Variants in PI4KA observed in about 807,000 individuals in gnomAD.
The protein encoded by PI4KA is PI4-kinase alpha.
A neutral mutation model predicts 271.4 loss-of-function variants in PI4KA; 122 were observed. The observed-to-expected ratio is 0.45, with a 90% CI of 0.39 to 0.52. PI4KA has a LOEUF of 0.52. Ranked by LOEUF, PI4KA falls within the 20% of genes least tolerant of loss-of-function variation. The pLI is 0.00. For synonymous variants in PI4KA, 1,041 were observed against 1,078.8 expected, an observed-to-expected ratio of 0.96 and a Z score of 0.69; for missense variants, 1,969 against 2,769.1, an observed-to-expected ratio of 0.71 and a Z score of 6.48.
At position 20,733,851 on chromosome 22, in the gene PI4KA, G is replaced by A. The variant is rs1928366894; in HGVS notation, c.4053-8C>T. ...AGCCCCAGGGTCAGCAGCCTGTGAG[G>A]GAGCCCCGGACCCAGTTAGAGCAGG... is the stretch of plus-strand genomic sequence containing the variant. On this transcript the variant is annotated splice_polypyrimidine_tract_variant and splice_region_variant and intron_variant, in intron 34 of 54. Coordinates refer to ENST00000255882, the MANE Select transcript of PI4KA (RefSeq NM_058004.4). 1.2e-6 allele frequency: 2 copies of A among 1,612,100 alleles called. No individual in the cohort carries two copies. The highest frequency in any genetic ancestry group is 1.7e-6 in the Non-Finnish European group (2 of 1,179,862).
chr22:20,826,986 AGGGTGGCTGTTT>A (rs1312229887), intron 3 of PI4KA, among the ~76,000 whole-genome samples: 207 of 152,286 alleles, frequency 1.4e-3, no homozygotes, highest in African/African-American at 4.7e-3. Context: ...TTCATTCAGT[AGGGTGGCTGTTT>A]ACTCTCTTGA....
intron 1 of PI4KA, among the ~76,000 whole-genome samples, chr22:20,838,970 C>T (rs150271514): frequency 1.1e-4 from 16 of 152,132 alleles, no homozygotes; most frequent in Admixed American, 9.2e-4. Context: ...TAATCCCAAC[C>T]CTTTGGGAGG....
chr22:20,850,498 C>A (rs1328234484), intron 1 of PI4KA, among the ~76,000 whole-genome samples: 2 of 151,906 alleles, frequency 1.3e-5, no homozygotes, highest in African/African-American at 4.8e-5. Flanking sequence ...GGCTGGAGTG[C>A]AGTGGCGTGA....
intron 36 of PI4KA, among the ~76,000 whole-genome samples, chr22:20,730,997 C>A (rs1430681036): frequency 6.6e-6 from 1 of 151,902 alleles, no homozygotes; most frequent in Non-Finnish European, 1.5e-5. Context: ...GACAACAAGG[C>A]AAGACGCCCT....
intron 19 of PI4KA, among the ~76,000 whole-genome samples, chr22:20,773,106 C>T (rs777205447): frequency 1.3e-5 from 2 of 151,550 alleles, no homozygotes; most frequent in Non-Finnish European, 2.9e-5. Flanking sequence ...ACACATAGGG[C>T]CAGGCGTGGT....
At chr22:20,781,499 A>G (rs1933796630) in intron 19 of PI4KA, among the ~76,000 whole-genome samples, 1 of 152,222 alleles carries the variant, frequency 6.6e-6, no homozygotes, top group Admixed American at 6.5e-5. Context: ...GCTTCTGTTC[A>G]GGGAAAGGGG....
At chr22:20,753,430 G>A (rs573445006) in intron 23 of PI4KA, among the ~76,000 whole-genome samples, 1 of 152,116 alleles carries the variant, frequency 6.6e-6, no homozygotes, top group Non-Finnish European at 1.5e-5. Context: ...GGATTTCCCA[G>A]GTCTCCCACA....
intron 17 of PI4KA, among the ~76,000 whole-genome samples, chr22:20,797,467 TGTG>T (rs1935052618): frequency 6.6e-6 from 1 of 151,988 alleles, no homozygotes; most frequent in South Asian, 2.1e-4. Context: ...TGTGTTGGCC[TGTG>T]TGCAGGTTCC....
intron 1 of PI4KA, among the ~76,000 whole-genome samples, chr22:20,844,177 C>T (rs5996889): frequency 0.026 from 3,892 of 152,234 alleles, 163 homozygotes; most frequent in African/African-American, 0.089. Context: ...GTATACTTAT[C>T]CTCTCACTGC....
At chr22:20,779,665 A>G (rs1180279414) in intron 19 of PI4KA, 2 of 1,614,026 alleles carry the variant, frequency 1.2e-6, no homozygotes, top group Non-Finnish European at 8.5e-7. Flanking sequence ...CAGCTTTTTC[A>G]TGGCAAGAGC....
rs974219586 is a variant in PI4KA at position 20,820,733 on chromosome 22, T to G, written c.457-122A>C. Reference sequence around the variant, plus strand: ...CTTAACCAACCCCATATATGATACATCCCTCCACAACGACTGTGCCAAGTG... The same window carrying G: ...CTTAACCAACCCCATATATGATACAGCCCTCCACAACGACTGTGCCAAGTG... On this transcript the variant is annotated intron_variant, in intron 4 of 54. Transcript: ENST00000255882. 4.4e-6 allele frequency: 3 copies of G among 678,004 alleles called. No homozygotes were observed. The Admixed American group carries it at 7.9e-5, about 18-fold the overall frequency. 42.0% of individuals were successfully genotyped at this position (678,004 alleles called of 1,614,324 possible).
At chr22:20,823,123 A>G (rs1327168239) in intron 4 of PI4KA, among the ~76,000 whole-genome samples, 1 of 152,072 alleles carries the variant, frequency 6.6e-6, no homozygotes, top group Non-Finnish European at 1.5e-5. Context: ...CATGTTGGCC[A>G]GGCTGGTCTC....
intron 1 of PI4KA, among the ~76,000 whole-genome samples, chr22:20,852,812 C>T (rs573711802): frequency 5.9e-5 from 9 of 152,288 alleles, no homozygotes; most frequent in African/African-American, 1.9e-4. Context: ...ACCATGAACT[C>T]CAGAAAGCCC....
chr22:20,765,102 G>C lies in PI4KA; in HGVS notation c.2572C>G (p.Pro858Ala), dbSNP rs1483258955. ...NSAMKNDTVTPAELSELRSTI... is the reference protein window; with the variant it reads ...NSAMKNDTVTAAELSELRSTI... Reference sequence around the variant, plus strand: ...AAAAATGAGATGTGAATCCTTACGGGGGTGACCGTGTCATTCTTCATGGCT... The same window carrying C: ...AAAAATGAGATGTGAATCCTTACGGCGGTGACCGTGTCATTCTTCATGGCT... The change falls in exon 21 of 55, where the codon CCC (proline) becomes GCC (alanine). Residue 858 changes from proline (P) to alanine (A), a missense_variant and splice_region_variant. Pro to Ala is a conservative substitution (Grantham distance 27, BLOSUM62 -1). Transcript: ENST00000255882. The C allele has an allele frequency of 6.2e-7, 1 of 1,612,172 alleles. No individual in the cohort carries two copies.
rs751692079 is a variant in PI4KA, at chr22:20,721,353, G to A, written c.5061C>T (p.Phe1687=). The A allele has an allele frequency of 1.2e-6, 2 of 1,613,832 alleles. No homozygotes were observed. The highest frequency in any genetic ancestry group is 1.1e-5 in the South Asian group (1 of 91,068). The change falls in exon 43 of 55, where the codon TTC becomes TTT. Residue 1687 remains phenylalanine, a synonymous_variant. Coordinates refer to ENST00000255882, the MANE Select transcript of PI4KA (RefSeq NM_058004.4). ...AAATGTTAGTCTTCATGTTCCAGAT[G>A]AACTGGTGTGCCAGAAGCTGGGATT... ...ASKSQLLAHQ[F]IWNMKTNIYL... is the part of the protein sequence containing the mutation.
In PI4KA at chr22:20,813,482, G is replaced by A; in HGVS notation, c.881C>T (p.Ala294Val). The change falls in exon 8 of 55, where the codon GCC (alanine) becomes GTC (valine). Residue 294 changes from alanine (A) to valine (V), a missense_variant. This residue lies in a region of PI4KA where 540 missense variants were observed against 555.5 expected (regional missense o/e 0.97). Coordinates refer to ENST00000255882, the MANE Select transcript of PI4KA (RefSeq NM_058004.4). ...TGAAAAGTAGTACTCAGGCTCTAGG[G>A]CAGTCCCATCGGGCAAGCAGGAGGC... ...FEASCLPDGT[A>V]LEPEYYFSTI... 2 of 1,614,074 alleles carry A rather than the reference G, an allele frequency of 1.2e-6. No individual in the cohort carries two copies. Among genetic ancestry groups the A allele is most frequent in the Non-Finnish European group, 1.7e-6 (2 of 1,179,968 alleles).
In PI4KA at chr22:20,763,007, C is replaced by CT. The variant is rs1207890990; in HGVS notation, c.2709-1622dup. ...CACCACAACTGGCTAGGTTTTTTTG[C>CT]TTTTTTTTTTGGGGGGGGGGGGGGT... On this transcript the variant is annotated intron_variant, in intron 22 of 54. Coordinates refer to ENST00000255882, the MANE Select transcript of PI4KA (RefSeq NM_058004.4). 8.0e-3 allele frequency among the ~76,000 whole-genome samples: 109 copies of CT among 13,550 alleles called. No homozygotes were observed. The East Asian group carries it at 0.11, about 13-fold the overall frequency. The allele number at this position is 13,550 out of a possible 152,430, so 8.9% of individuals were successfully genotyped here.
chr22:20,716,183 T>A (rs1925982027), intron 45 of PI4KA, among the ~76,000 whole-genome samples: 1 of 152,214 alleles, frequency 6.6e-6, no homozygotes, highest in East Asian at 1.9e-4. Flanking sequence ...CCCGAGTAGC[T>A]GGGACTACAG....
At chr22:20,851,701 A>C (rs1053441189) in intron 1 of PI4KA, among the ~76,000 whole-genome samples, 1 of 152,188 alleles carries the variant, frequency 6.6e-6, no homozygotes, top group African/African-American at 2.4e-5. Flanking sequence ...ATTCAGGAAA[A>C]GAGAATGGCT....
Sources: gnomAD v4.1 joint callset for allele counts (sites outside exome capture counted in the v4.1 genomes callset) on GRCh38, gnomAD v4.1.1 for gene constraint, gnomAD v4.1.1 regional missense constraint, MANE v1.5 for transcripts, NCBI Gene and HGNC (gene_info 2026-07-23, HGNC 2026-07-21) for gene names.